Variants in SFXN1 observed in about 807,000 individuals in gnomAD.
SFXN1 encodes sideroflexin 1.
A neutral mutation model predicts 39.5 loss-of-function variants in SFXN1; 32 were observed. The observed-to-expected ratio is 0.81, with a 90% CI of 0.61 to 1.09. SFXN1 has a LOEUF of 1.09. Among genes scored for constraint, SFXN1 ranks in the 50% least tolerant of loss-of-function variants. SFXN1 has a pLI of 0.00. For synonymous variants in SFXN1, 136 were observed against 146.5 expected, an observed-to-expected ratio of 0.93 and a Z score of 0.52; for missense variants, 402 against 407.1, an observed-to-expected ratio of 0.99 and a Z score of 0.11.
chr5:175,492,680 G>A (rs1442630052), intron 2 of SFXN1: 1 of 159,378 alleles, frequency 6.3e-6, no homozygotes, highest in Admixed American at 6.3e-5. Context: ...CTGAGTTATA[G>A]GCCCAGTAAG....
At chr5:175,525,428 G>C (rs981778601) in intron 10 of SFXN1, among the ~76,000 whole-genome samples, 1 of 152,084 alleles carries the variant, frequency 6.6e-6, no homozygotes, top group African/African-American at 2.4e-5. Flanking sequence ...CATCAGTGTC[G>C]TCATCATCAT....
chr5:175,501,323 C>G (rs1440927896), intron 2 of SFXN1, among the ~76,000 whole-genome samples: 2 of 152,072 alleles, frequency 1.3e-5, no homozygotes, highest in South Asian at 4.1e-4. Context: ...CCGCCTCGGC[C>G]CCCGAAAGTG....
chr5:175,487,295 G>C, intron 1 of SFXN1, among the ~76,000 whole-genome samples: 1 of 152,168 alleles, frequency 6.6e-6, no homozygotes, highest in Non-Finnish European at 1.5e-5. Flanking sequence ...GTGTTCCATT[G>C]GTGCAGAACC....
intron 1 of SFXN1, chr5:175,491,714 T>A (rs889666315): frequency 2.5e-5 from 4 of 157,048 alleles, no homozygotes; most frequent in African/African-American, 9.6e-5. Flanking sequence ...CTCAAACGCC[T>A]GGGCTCAAGG....
At chr5:175,508,233 T>TC in intron 2 of SFXN1, among the ~76,000 whole-genome samples, 1 of 139,440 alleles carries the variant, frequency 7.2e-6, no homozygotes, top group African/African-American at 2.7e-5. Context: ...TTTTTTTTTT[T>TC]TTTTTTTTTT....
chr5:175,512,095 A>G lies in SFXN1; in HGVS notation c.511-16A>G. ...GGAAAAATAAGATAAAGCTCTTGAA[A>G]TTTTCTCCTCTGCAGCATGTCTCAC... On this transcript the variant is annotated splice_polypyrimidine_tract_variant and intron_variant, in intron 5 of 10. Coordinates refer to ENST00000321442, the MANE Select transcript of SFXN1 (RefSeq NM_022754.7). 1 of 1,609,816 alleles carries G rather than the reference A, an allele frequency of 6.2e-7. No homozygotes were observed. The highest frequency in any genetic ancestry group is 1.3e-5 in the African/African-American group (1 of 74,790).
chr5:175,520,016 T>G (rs1347070027), intron 8 of SFXN1, among the ~76,000 whole-genome samples: 1 of 151,568 alleles, frequency 6.6e-6, no homozygotes, highest in Non-Finnish European at 1.5e-5. Context: ...ACTACAGGCA[T>G]GTACCACCAT....
rs140548068 is a variant in SFXN1 at position 175,513,789 on chromosome 5, G to A, written c.724+199G>A. The A allele has an allele frequency of 1.1e-3, 553 of 512,022 alleles. 5 individuals are homozygous for A. In the East Asian group the frequency reaches 0.017, roughly 15 times the overall value. 31.7% of individuals were successfully genotyped at this position (512,022 alleles called of 1,614,324 possible). A position where few individuals can be genotyped will look rare whatever the true frequency, so the allele number is the denominator to read the frequency against. On this transcript the variant is annotated intron_variant, in intron 7 of 10. Transcript: ENST00000321442. ...GGCAAGGGGGCAATGGGGCTAGGGC[G>A]TGTGGGTAGGGCAGCCGGGGAAGAG...
chr5:175,523,658 A>G (rs547506491), intron 10 of SFXN1: 1 of 152,348 alleles, frequency 6.6e-6, no homozygotes, highest in Non-Finnish European at 1.5e-5. Context: ...GCTGCAAGAA[A>G]TAAAATATAG....
At position 175,507,973 on chromosome 5, in the gene SFXN1, T is replaced by TA. The variant is rs74722265; in HGVS notation, c.165-1040dup. Among the ~76,000 whole-genome samples the TA allele has an allele frequency of 9.9e-3, 1,225 of 124,328 alleles. 15 individuals carry two copies. Among genetic ancestry groups the TA allele is most frequent in the African/African-American group, 0.023 (747 of 32,038 alleles). The allele number at this position is 124,328 out of a possible 152,430, so 81.6% of individuals were successfully genotyped here. A position where few individuals can be genotyped will look rare whatever the true frequency, so the allele number is the denominator to read the frequency against. On this transcript the variant is annotated intron_variant, in intron 2 of 10. Coordinates refer to ENST00000321442, the MANE Select transcript of SFXN1 (RefSeq NM_022754.7). ...GGGTGACAGAGTGAGACCCTGTCTT[T>TA]AAAAAAAAAAAAAAAAAAATTCTTC...
chr5:175,513,523 G>T lies in SFXN1; in HGVS notation c.657G>T (p.Ala219=). 6.2e-7 allele frequency: 1 copy of T among 1,613,862 alleles called. No individual in the cohort carries two copies. The highest frequency in any genetic ancestry group is 1.1e-5 in the South Asian group (1 of 91,048). ...ATGGGAACCGCTTGGGGGAGTCGGCGAACGCTGCGAAACAAGCCATCACGC... is the reference window on the plus strand; with the variant it reads ...ATGGGAACCGCTTGGGGGAGTCGGCTAACGCTGCGAAACAAGCCATCACGC... ...DENGNRLGES[A]NAAKQAITQV... The change falls in exon 7 of 11, where the codon GCG becomes GCT. Residue 219 remains alanine, a synonymous_variant. Coordinates refer to ENST00000321442, the MANE Select transcript of SFXN1 (RefSeq NM_022754.7).
In SFXN1 at chr5:175,516,658, T is replaced by C. The variant is rs1447509744; in HGVS notation, c.769T>C (p.Leu257=). The change falls in exon 8 of 11, where the codon TTG becomes CTG. Residue 257 remains leucine (L), a synonymous_variant. Coordinates refer to ENST00000321442, the MANE Select transcript of SFXN1 (RefSeq NM_022754.7). ...IMNTLEKKAF[L]KRFPWMSAPI... Reference sequence around the variant, plus strand: ...GAACACTTTGGAAAAGAAAGCCTTTTTGAAGGTAAGCTGTGGTTCTTTTGT... The same window carrying C: ...GAACACTTTGGAAAAGAAAGCCTTTCTGAAGGTAAGCTGTGGTTCTTTTGT... The C allele has an allele frequency of 1.2e-6, 2 of 1,613,256 alleles. No homozygotes were observed. Among genetic ancestry groups the C allele is most frequent in the East Asian group, 2.2e-5 (1 of 44,846 alleles).
chr5:175,509,234 T>G, intron 3 of SFXN1, 32 bp downstream of exon 3: 1 of 1,558,954 alleles, frequency 6.4e-7, no homozygotes, highest in Non-Finnish European at 8.7e-7. Flanking sequence ...ACAGTGTGTT[T>G]ACCATTACAG....
At chr5:175,482,907 A>G (rs1759307778) in intron 1 of SFXN1, among the ~76,000 whole-genome samples, 1 of 152,244 alleles carries the variant, frequency 6.6e-6, no homozygotes, top group African/African-American at 2.4e-5. Flanking sequence ...CTCCATCAGC[A>G]AAAACCAGCC....
intron 3 of SFXN1, 102 bp downstream of exon 3, chr5:175,509,304 G>C: frequency 1.7e-6 from 2 of 1,148,746 alleles, no homozygotes; most frequent in South Asian, 3.5e-5. Context: ...TATTTCATAA[G>C]TATATGAAGT....
At chr5:175,521,349 A>C (rs1375913332) in intron 8 of SFXN1, among the ~76,000 whole-genome samples, 1 of 152,034 alleles carries the variant, frequency 6.6e-6, no homozygotes, top group African/African-American at 2.4e-5. Context: ...CGAGGTGTAA[A>C]GTGGGGTGAG....
Position 175,522,023 on chromosome 5 carries a change from C to A in SFXN1, c.824+55C>A, listed in dbSNP as rs548371218. Reference sequence around the variant, plus strand: ...TTTCTTTTAAAATATAAATACACAGCGTATGAAAGGTGACTGGGTAATATG... The same window carrying A: ...TTTCTTTTAAAATATAAATACACAGAGTATGAAAGGTGACTGGGTAATATG... On this transcript the variant is annotated intron_variant, in intron 9 of 10. Coordinates refer to ENST00000321442, the MANE Select transcript of SFXN1 (RefSeq NM_022754.7). The A allele has an allele frequency of 4.9e-6, 7 of 1,432,640 alleles. No homozygotes were observed. The African/African-American group carries it at 8.5e-5, about 17-fold the overall frequency. 88.7% of individuals were successfully genotyped at this position (1,432,640 alleles called of 1,614,324 possible).
At chr5:175,481,766 T>G (rs948992331) in intron 1 of SFXN1, among the ~76,000 whole-genome samples, 3 of 152,192 alleles carry the variant, frequency 2.0e-5, no homozygotes, top group Admixed American at 2.0e-4. Flanking sequence ...CAGGGAAGCA[T>G]ATGCAACACA....
intron 5 of SFXN1, among the ~76,000 whole-genome samples, chr5:175,511,770 C>G (rs1171907404): frequency 6.6e-6 from 1 of 152,110 alleles, no homozygotes; most frequent in African/African-American, 2.4e-5. Flanking sequence ...GTTCACCCAT[C>G]CTGACAGCCC....
Sources: allele counts gnomAD v4.1 joint callset (sites outside exome capture counted in the v4.1 genomes callset), GRCh38; gene constraint gnomAD v4.1.1; transcripts MANE v1.5; gene names NCBI Gene and HGNC (gene_info 2026-07-23, HGNC 2026-07-21).